Variants in CACNA1G observed in about 807,000 individuals in gnomAD.
CACNA1G encodes the protein voltage-dependent T-type calcium channel subunit alpha-1G.
A neutral mutation model predicts 219.4 loss-of-function variants in CACNA1G; 67 were observed. That is an observed-to-expected ratio of 0.31 (90% CI 0.25 to 0.37). The LOEUF is 0.37. Among genes scored for constraint, CACNA1G ranks in the 10% least tolerant of loss-of-function variants. The pLI is 1.00. For missense variants in CACNA1G, 2,380 were observed against 3,231.4 expected, an observed-to-expected ratio of 0.74 and a Z score of 6.39; for synonymous variants, 1,296 against 1,345.3, an observed-to-expected ratio of 0.96 and a Z score of 0.80.
chr17:50,621,301 C>A lies in CACNA1G; in HGVS notation c.5926-359C>A, dbSNP rs559925903. Among the ~76,000 whole-genome samples the A allele has an allele frequency of 2.3e-3, 348 of 151,546 alleles. 3 individuals are homozygous for A. The highest frequency in any genetic ancestry group is 8.3e-3 in the African/African-American group (342 of 41,252). On this transcript the variant is annotated intron_variant, in intron 34 of 37. Transcript: ENST00000359106. The surrounding 1 kb of genome is among the most constrained non-coding windows in gnomAD (Gnocchi z 4.6). Reference sequence around the variant, plus strand: ...TTTGGTATCATCTTTTTGAGAGTCGCAAGCCCTCGGTCCTCCCGCTCCCTC... The same window carrying A: ...TTTGGTATCATCTTTTTGAGAGTCGAAAGCCCTCGGTCCTCCCGCTCCCTC...
At position 50,615,353 on chromosome 17, in the gene CACNA1G, C is replaced by A; in HGVS notation, c.4760-8C>A. On this transcript the variant is annotated splice_polypyrimidine_tract_variant and splice_region_variant and intron_variant, in intron 26 of 37. Coordinates refer to ENST00000359106, the MANE Select transcript of CACNA1G (RefSeq NM_018896.5). ...ACGCTTGCTCTGCTCTTCCCCCTGC[C>A]CCATCAGAAGCCCAGTGCAAACCTT... 2 of 1,582,992 alleles carry A rather than the reference C, an allele frequency of 1.3e-6. No homozygotes were observed.
chr17:50,591,911 C>T, intron 12 of CACNA1G, 26 bp from the exon 13 acceptor site: 1 of 1,613,894 alleles, frequency 6.2e-7, no homozygotes, highest in Non-Finnish European at 8.5e-7. Flanking sequence ...CTAGTATAGG[C>T]CCTGATTCCT....
chr17:50,605,754 T>A, intron 22 of CACNA1G, 144 bp from the exon 23 acceptor site: 1 of 798,834 alleles, frequency 1.3e-6, no homozygotes. Context: ...CTTGTCAGTG[T>A]TTCCCTGACT....
intron 9 of CACNA1G, among the ~76,000 whole-genome samples, chr17:50,583,792 C>T (rs1208968134): frequency 1.3e-5 from 2 of 152,060 alleles, no homozygotes; most frequent in East Asian, 1.9e-4. Flanking sequence ...GCCCTGGCCC[C>T]GAGGTGTCTG....
At position 50,626,475 on chromosome 17, in the gene CACNA1G, C is replaced by G. The variant is rs764508368; in HGVS notation, c.6858C>G (p.Asp2286Glu). The G allele has an allele frequency of 6.3e-7, 1 of 1,596,344 alleles. No homozygotes were observed. Among genetic ancestry groups the G allele is most frequent in the Non-Finnish European group, 8.5e-7 (1 of 1,172,306 alleles). Residue 2286 changes from aspartate (D) to glutamate (E), a missense_variant, in exon 38 of 38, where the codon GAC becomes GAG. Asp to Glu is a conservative substitution (Grantham distance 45, BLOSUM62 2). Around this residue, in one of 17 missense-constraint regions of CACNA1G, gnomAD observed 672 missense variants for 670.5 expected, o/e 1.00. Transcript: ENST00000359106. The surrounding 1 kb of genome is among the most constrained non-coding windows in gnomAD (Gnocchi z 4.3). ...GCTCCCAACCCCACCTGGGCACAGA[C>G]CCCTCTAACCTTGGGGGCCAGCCTC... is the stretch of plus-strand genomic sequence containing the variant. The part of the protein sequence containing the change: ...DSGSQPHLGT[D>E]PSNLGGQPLG...
chr17:50,565,703 C>G (rs1421148162), intron 1 of CACNA1G, among the ~76,000 whole-genome samples: 2 of 152,154 alleles, frequency 1.3e-5, no homozygotes, highest in African/African-American at 4.8e-5. Flanking sequence ...CCCAGCCACC[C>G]CCCTCCTCTC....
Position 50,561,511 on chromosome 17 carries a change from A to G in CACNA1G, c.52A>G (p.Ser18Gly). 1 of 1,536,276 alleles carries G rather than the reference A, an allele frequency of 6.5e-7. No homozygotes were observed. The highest frequency in any genetic ancestry group is 8.7e-7 in the Non-Finnish European group (1 of 1,146,448). The change falls in exon 1 of 38, where the codon AGC (serine) becomes GGC (glycine). Residue 18 changes from serine to glycine, a missense_variant. By Grantham distance (56) the Ser-to-Gly change is moderately conservative. Transcript: ENST00000359106. ...CGCCGAGGAGTCGGGACAGCCCCGG[A>G]GCTTCATGCGGCTCAACGACCTGTC... The part of the protein sequence containing the change: ...AGAEESGQPR[S>G]FMRLNDLSGA...
intron 25 of CACNA1G, 82 bp downstream of exon 25, chr17:50,608,101 G>C: frequency 7.5e-7 from 1 of 1,329,948 alleles, no homozygotes; most frequent in East Asian, 2.5e-5. Flanking sequence ...GACTGCAGGG[G>C]GCTGGGCGCT....
intron 9 of CACNA1G, among the ~76,000 whole-genome samples, chr17:50,585,412 T>C (rs1183521161): frequency 6.6e-5 from 10 of 152,166 alleles, no homozygotes; most frequent in Non-Finnish European, 1.5e-4. Flanking sequence ...GTGTTTACTT[T>C]TGAGGGCTTC....
chr17:50,578,076 C>T lies in CACNA1G; in HGVS notation c.1925-112C>T. ...CCCTGGCCCACTAAGTGCCTAGCAC[C>T]CCATCACTGTAACAACCCCAGACTC... On this transcript the variant is annotated intron_variant, in intron 8 of 37. Transcript: ENST00000359106. The surrounding 1 kb of genome is among the most constrained non-coding windows in gnomAD (Gnocchi z 4.5). The T allele has an allele frequency of 7.6e-7, 1 of 1,314,698 alleles. No individual in the cohort carries two copies. The highest frequency in any genetic ancestry group is 1.0e-6 in the Non-Finnish European group (1 of 983,772). The allele number at this position is 1,314,698 out of a possible 1,614,324, so 81.4% of individuals were successfully genotyped here.
At chr17:50,581,913 C>T (rs1411414810) in intron 9 of CACNA1G, among the ~76,000 whole-genome samples, 1 of 152,222 alleles carries the variant, frequency 6.6e-6, no homozygotes, top group African/African-American at 2.4e-5. Flanking sequence ...ACAACTAGCC[C>T]TTCTAAAATA....
At chr17:50,589,209 C>A in intron 9 of CACNA1G, among the ~76,000 whole-genome samples, 1 of 152,164 alleles carries the variant, frequency 6.6e-6, no homozygotes, top group Non-Finnish European at 1.5e-5. Flanking sequence ...CTCCCTTCTT[C>A]AACCAGAACC....
chr17:50,576,345 G>A lies in CACNA1G; in HGVS notation c.1924+19G>A. The stretch of plus-strand genomic sequence containing the variant: ...AGTACAGGTGAGAACTCTGGGTGGA[G>A]GCATGTGGGTGCCCTCGTCTGGGGA... On this transcript the variant is annotated intron_variant, in intron 8 of 37. Transcript: ENST00000359106. 1 of 1,559,970 alleles carries A rather than the reference G, an allele frequency of 6.4e-7. No individual in the cohort carries two copies.
At chr17:50,572,493 G>A (rs1186360869) in intron 5 of CACNA1G, 61 bp from the exon 6 acceptor site, 1 of 1,394,204 alleles carries the variant, frequency 7.2e-7, no homozygotes, top group Non-Finnish European at 9.6e-7. Context: ...TCCCTTCCTG[G>A]GCCCTCTCCC....
intron 8 of CACNA1G, among the ~76,000 whole-genome samples, chr17:50,576,606 A>G (rs1296599298): frequency 6.6e-6 from 1 of 152,224 alleles, no homozygotes; most frequent in Admixed American, 6.5e-5. Flanking sequence ...ACTGTTGCAC[A>G]CAGCAATGGC....
Position 50,576,331 on chromosome 17 carries a change from G to T in CACNA1G, c.1924+5G>T. The T allele has an allele frequency of 6.4e-7, 1 of 1,564,936 alleles. No homozygotes were observed. Reference sequence around the variant, plus strand: ...TGCTGGAGACACAGAGTACAGGTGAGAACTCTGGGTGGAGGCATGTGGGTG... The same window carrying T: ...TGCTGGAGACACAGAGTACAGGTGATAACTCTGGGTGGAGGCATGTGGGTG... On this transcript the variant is annotated splice_donor_5th_base_variant and intron_variant, in intron 8 of 37. Coordinates refer to ENST00000359106, the MANE Select transcript of CACNA1G (RefSeq NM_018896.5).
At chr17:50,624,324 T>TGCCCCCCCCCCCCCCCCCCCAG in intron 36 of CACNA1G, 36 bp from the exon 37 acceptor site, 2 of 1,177,664 alleles carry the variant, frequency 1.7e-6, no homozygotes, top group South Asian at 1.3e-5. Context: ...CTCCATTCTC[T>TGCCCCCCCCCCCCCCCCCCCAG]CCCCCCACCC....
At chr17:50,592,155 G>A (rs1248422144) in intron 13 of CACNA1G, 63 bp downstream of exon 13, 15 of 1,520,728 alleles carry the variant, frequency 9.9e-6, no homozygotes, top group Non-Finnish European at 1.3e-5. Context: ...TTGGCTGCCT[G>A]TCTTGAGCCT....
rs1336383362 is a variant in CACNA1G at position 50,621,769 on chromosome 17, TCTTA to T, written c.6040_6043del (p.Leu2014ValfsTer20). 1.9e-6 allele frequency: 3 copies of T among 1,613,884 alleles called. No individual in the cohort carries two copies. The highest frequency in any genetic ancestry group is 2.5e-6 in the Non-Finnish European group (3 of 1,179,860). ...TCTTTGCCTGATGACATGCACACAC[TCTTA>T]CTTAGTGCCCTGGAGAGCAATGTAC... On this transcript the variant is annotated frameshift_variant, in exon 35 of 38. Coordinates refer to ENST00000359106, the MANE Select transcript of CACNA1G (RefSeq NM_018896.5). LOFTEE classifies it high-confidence loss of function. This position sits in a 1 kb window ranked among gnomAD's most constrained non-coding sequence, Gnocchi z 4.6.
Sources: allele counts gnomAD v4.1 joint callset (sites outside exome capture counted in the v4.1 genomes callset), GRCh38; gene constraint gnomAD v4.1.1; regional missense constraint gnomAD v4.1.1; non-coding constraint Gnocchi (gnomAD v3.1); transcripts MANE v1.5; gene names NCBI Gene and HGNC (gene_info 2026-07-23, HGNC 2026-07-21).